TBX5: variants seen among roughly 807,000 people sequenced by gnomAD.
TBX5 encodes the protein T-box transcription factor TBX5.
In TBX5, 8 loss-of-function variants were observed where a neutral mutation model predicts 51.1. The ratio of observed to expected loss-of-function variants is 0.16; its 90% CI spans 0.09 to 0.28. The LOEUF is 0.28. Ranked by LOEUF, TBX5 falls within the 10% of genes least tolerant of loss-of-function variation. TBX5 has a pLI of 1.00. For synonymous variants in TBX5, 302 were observed against 266.4 expected, an observed-to-expected ratio of 1.13 and a Z score of -1.30; for missense variants, 589 against 671.7, an observed-to-expected ratio of 0.88 and a Z score of 1.36.
chr12:114,391,532 T>C (rs1871143240), intron 6 of TBX5, among the ~76,000 whole-genome samples: 1 of 152,188 alleles, frequency 6.6e-6, no homozygotes, highest in Admixed American at 6.5e-5. Flanking sequence ...ATTATCTCAT[T>C]GAATCTTCAC....
chr12:114,407,852 AGGAGTGCGCCTCGCT>A (rs1255217312), upstream of TBX5: 92 of 985,332 alleles, frequency 9.3e-5, no homozygotes, highest in Non-Finnish European at 1.1e-4. Context: ...CGCAAAAGCC[AGGAGTGCGCCTCGCT>A]GGAGAGCAGG....
At chr12:114,399,658 AG>A (rs765162022) in intron 3 of TBX5, 26 bp from the exon 4 acceptor site, 1 of 1,613,904 alleles carries the variant, frequency 6.2e-7, no homozygotes, top group East Asian at 2.2e-5. Context: ...GGAGGGAGAG[AG>A]GGGGGCGGGA....
In TBX5 at chr12:114,398,738, G is replaced by A. The variant is rs1871593632; in HGVS notation, c.363-18C>T. ...TCACAGACCTAGATGAAGGAGAGGT[G>A]TACTAGAGGCCTGGCTCAGAGTCTG... On this transcript the variant is annotated intron_variant, in intron 4 of 8. Coordinates refer to ENST00000405440, the MANE Select transcript of TBX5 (RefSeq NM_181486.4). 6.3e-7 allele frequency: 1 copy of A among 1,591,822 alleles called. No homozygotes were observed. The highest frequency in any genetic ancestry group is 8.6e-7 in the Non-Finnish European group (1 of 1,169,190).
chr12:114,405,821 C>A lies in TBX5; in HGVS notation c.-232G>T. 1 of 985,614 alleles carries A rather than the reference C, an allele frequency of 1.0e-6. No homozygotes were observed. The highest frequency in any genetic ancestry group is 1.1e-4 in the East Asian group (1 of 8,808). 61.1% of individuals were successfully genotyped at this position (985,614 alleles called of 1,614,324 possible). On this transcript the variant is annotated 5_prime_UTR_variant, in exon 1 of 9. Transcript: ENST00000405440. ...CTCCGCGGCGACTGCCCACCTCCAA[C>A]ACACACCTCCTCTGCTGTGCGCTTG...
intron 1 of TBX5, 121 bp from the exon 2 acceptor site, chr12:114,404,057 A>G (rs1225400162): frequency 9.8e-7 from 1 of 1,021,418 alleles, no homozygotes; most frequent in African/African-American, 1.6e-5. Flanking sequence ...TCCAGCTACC[A>G]GCACCTCCGT....
intron 6 of TBX5, among the ~76,000 whole-genome samples, chr12:114,391,417 C>T (rs1871136288): frequency 6.6e-6 from 1 of 152,154 alleles, no homozygotes; most frequent in Non-Finnish European, 1.5e-5. Flanking sequence ...TGGAGTCGCC[C>T]TGTTAATAAA....
intron 5 of TBX5, among the ~76,000 whole-genome samples, chr12:114,396,435 G>T (rs1871434078): frequency 6.6e-6 from 1 of 152,144 alleles, no homozygotes; most frequent in Non-Finnish European, 1.5e-5. Context: ...CATTAGGCCG[G>T]CTCTGAATTA....
At chr12:114,360,641 T>C (rs1397838575) in intron 8 of TBX5, among the ~76,000 whole-genome samples, 1 of 148,076 alleles carries the variant, frequency 6.8e-6, no homozygotes, top group Non-Finnish European at 1.5e-5. Flanking sequence ...AGTGGGTAGA[T>C]GGATGAGTGG....
At chr12:114,406,161 C>A, upstream of TBX5, 2 of 324,368 alleles carry the variant, frequency 6.2e-6, no homozygotes, top group Non-Finnish European at 8.9e-6. Context: ...GCCTATCCAA[C>A]TAGCTCCCAC....
intron 5 of TBX5, among the ~76,000 whole-genome samples, chr12:114,397,772 T>C (rs992443828): frequency 6.6e-6 from 1 of 151,740 alleles, no homozygotes; most frequent in South Asian, 2.1e-4. Flanking sequence ...AGAAAGCTGG[T>C]TGTTGGAAAA....
chr12:114,388,052 T>C (rs1870922089), intron 6 of TBX5, among the ~76,000 whole-genome samples: 1 of 152,362 alleles, frequency 6.6e-6, no homozygotes, highest in African/African-American at 2.4e-5. Context: ...TTTTGCCATG[T>C]TGTCCAGGCT....
chr12:114,397,208 T>G (rs577986227), intron 5 of TBX5, among the ~76,000 whole-genome samples: 1 of 151,854 alleles, frequency 6.6e-6, no homozygotes, highest in South Asian at 2.1e-4. Context: ...TCGGCGACCA[T>G]GCGCCTATCT....
At chr12:114,400,634 C>T (rs1295700124) in intron 3 of TBX5, among the ~76,000 whole-genome samples, 1 of 152,194 alleles carries the variant, frequency 6.6e-6, no homozygotes, top group Non-Finnish European at 1.5e-5. Context: ...AGCGAGCGCG[C>T]CCGGAGGCGG....
chr12:114,384,287 A>G (rs61930999), intron 7 of TBX5, among the ~76,000 whole-genome samples: 3 of 145,470 alleles, frequency 2.1e-5, no homozygotes, highest in African/African-American at 2.6e-5. Context: ...TTTTTTTTTA[A>G]TATTTGGAGA....
At chr12:114,399,469 C>A in intron 4 of TBX5, 44 bp downstream of exon 4, 4 of 1,612,906 alleles carry the variant, frequency 2.5e-6, no homozygotes, top group Middle Eastern at 3.3e-4. Context: ...GGAGAAGGTT[C>A]CACTTTTCTC....
chr12:114,365,435 A>G (rs1384069239), intron 8 of TBX5, among the ~76,000 whole-genome samples: 2 of 152,168 alleles, frequency 1.3e-5, no homozygotes, highest in Non-Finnish European at 2.9e-5. Flanking sequence ...AAGGCAGTCT[A>G]GGTTCATAAA....
In TBX5 at chr12:114,355,134, A is replaced by C. The variant is rs1365904806; in HGVS notation, c.*398T>G. 2 of 300,612 alleles carry C rather than the reference A, an allele frequency of 6.7e-6. No homozygotes were observed. Among genetic ancestry groups the C allele is most frequent in the African/African-American group, 4.3e-5 (2 of 46,296 alleles). The allele number at this position is 300,612 out of a possible 1,614,324, so 18.6% of individuals were successfully genotyped here. A position where few individuals can be genotyped will look rare whatever the true frequency, so the allele number is the denominator to read the frequency against. ...TTATTATATAACAATGTCAACATTA[A>C]CACCAAGACAGGGACAGACTCCAAC... is the stretch of plus-strand genomic sequence containing the variant. On this transcript the variant is annotated 3_prime_UTR_variant, in exon 9 of 9. Coordinates refer to ENST00000405440, the MANE Select transcript of TBX5 (RefSeq NM_181486.4).
At chr12:114,381,599 AC>A (rs536945689) in intron 7 of TBX5, among the ~76,000 whole-genome samples, 1 of 152,126 alleles carries the variant, frequency 6.6e-6, no homozygotes, top group Non-Finnish European at 1.5e-5. Context: ...TTTTACAGGA[AC>A]CCTAGAAAGT....
At chr12:114,368,014 G>A (rs530640166) in intron 7 of TBX5, among the ~76,000 whole-genome samples, 2 of 152,262 alleles carry the variant, frequency 1.3e-5, no homozygotes, top group African/African-American at 4.8e-5. Flanking sequence ...GCATGTGTCA[G>A]TAAATCCCAA....
Sources: allele counts gnomAD v4.1 joint callset (sites outside exome capture counted in the v4.1 genomes callset), GRCh38; gene constraint gnomAD v4.1.1; transcripts MANE v1.5; gene names NCBI Gene and HGNC (gene_info 2026-07-23, HGNC 2026-07-21).